MERTK: variants seen among roughly 807,000 people sequenced by gnomAD.
MERTK encodes tyrosine-protein kinase Mer.
Under a neutral mutation model 99.3 loss-of-function variants are expected in MERTK, and 69 were observed. The observed-to-expected ratio is 0.70, with a 90% confidence interval of 0.57 to 0.85. The LOEUF is 0.85. Among genes scored for constraint, MERTK ranks in the 40% least tolerant of loss-of-function variants. MERTK has a pLI of 0.00. For synonymous variants in MERTK, 426 were observed against 467.6 expected (o/e 0.91, Z 1.15); for missense variants, 1,125 against 1,249.4 (o/e 0.90, Z 1.50).
intron 15 of MERTK, among the ~76,000 whole-genome samples, chr2:112,016,415 T>C (rs1297615936): frequency 2.0e-5 from 3 of 152,220 alleles, no homozygotes; most frequent in East Asian, 1.9e-4. Context: ...ACAAAGTGCA[T>C]AGACAAACAG....
rs1260239104 is a variant in MERTK, at chr2:111,921,083, C to T, written c.62-8037C>T. Among the ~76,000 whole-genome samples the T allele has an allele frequency of 2.0e-5, 3 of 152,122 alleles. No individual in the cohort carries two copies. The East Asian group carries it at 5.8e-4, about 29-fold the overall frequency. On this transcript the variant is annotated intron_variant, in intron 1 of 18. Transcript: ENST00000295408. ...AAGGGAGTGGGGTGGGAGTCCTTAA[C>T]CTGGGTGACAGGGCAGCTGCTCAGG... is the stretch of plus-strand genomic sequence containing the variant.
At chr2:111,916,847 G>C (rs1684360006) in intron 1 of MERTK, among the ~76,000 whole-genome samples, 1 of 152,122 alleles carries the variant, frequency 6.6e-6, no homozygotes, top group Non-Finnish European at 1.5e-5. Context: ...CTGGGGAAGA[G>C]GGCATGCTGC....
intron 1 of MERTK, 119 bp downstream of exon 1, chr2:111,898,915 C>A: frequency 9.6e-7 from 1 of 1,046,732 alleles, no homozygotes; most frequent in Non-Finnish European, 1.3e-6. Context: ...AGTTTGCAAA[C>A]ACCCTCCACC....
intron 4 of MERTK, among the ~76,000 whole-genome samples, chr2:111,958,223 G>T (rs1024248784): frequency 6.6e-6 from 1 of 152,110 alleles, no homozygotes; most frequent in African/African-American, 2.4e-5. Flanking sequence ...GGAGTTGGAT[G>T]CTTTTTCTCC....
chr2:111,997,544 C>T, intron 10 of MERTK, 68 bp downstream of exon 10: 1 of 1,569,916 alleles, frequency 6.4e-7, no homozygotes. Context: ...GTGATTATGC[C>T]TTTCCTGTTG....
At chr2:111,907,571 C>G (rs1337771594) in intron 1 of MERTK, among the ~76,000 whole-genome samples, 1 of 152,158 alleles carries the variant, frequency 6.6e-6, no homozygotes, top group Admixed American at 6.5e-5. Context: ...TTGGATCTCC[C>G]CAAACACATA....
At chr2:111,916,279 C>T (rs1024194660) in intron 1 of MERTK, among the ~76,000 whole-genome samples, 9 of 152,104 alleles carry the variant, frequency 5.9e-5, no homozygotes, top group Admixed American at 5.2e-4. Context: ...AGGCGAGAGC[C>T]ACCGCGCCTG....
rs959987681 is a variant in MERTK at position 112,029,477 on chromosome 2, A to G, written c.*613A>G. The G allele has an allele frequency of 4.5e-5, 14 of 309,322 alleles. No individual in the cohort carries two copies. The highest frequency in any genetic ancestry group is 6.1e-5 in the Non-Finnish European group (13 of 211,950). The allele number at this position is 309,322 out of a possible 1,614,324, so 19.2% of individuals were successfully genotyped here. On this transcript the variant is annotated 3_prime_UTR_variant, in exon 19 of 19. Coordinates refer to ENST00000295408, the MANE Select transcript of MERTK (RefSeq NM_006343.3). ...GGTCCTTGGGGCAATTGCTCTGACC[A>G]TTCTTGGCATTGCTTTATAGAGATA... is the stretch of plus-strand genomic sequence containing the variant.
intron 12 of MERTK, chr2:112,003,583 T>C (rs1676913640): frequency 2.6e-6 from 1 of 384,410 alleles, no homozygotes; most frequent in South Asian, 2.6e-5. Context: ...GGATGAATGA[T>C]AATGGTATTA....
intron 8 of MERTK, among the ~76,000 whole-genome samples, chr2:111,985,400 G>A (rs999512695): frequency 2.0e-5 from 3 of 152,074 alleles, no homozygotes; most frequent in Admixed American, 2.0e-4. Context: ...GAACATCCGT[G>A]GAAGGGCAGA....
At chr2:111,944,375 C>T (rs576147049) in intron 2 of MERTK, among the ~76,000 whole-genome samples, 1 of 150,450 alleles carries the variant, frequency 6.6e-6, no homozygotes, top group Non-Finnish European at 1.5e-5. Flanking sequence ...TCCAAGAAAC[C>T]GAACCTATAG....
At chr2:111,956,072 C>T (rs1685143377) in intron 4 of MERTK, among the ~76,000 whole-genome samples, 2 of 151,690 alleles carry the variant, frequency 1.3e-5, no homozygotes, top group Non-Finnish European at 2.9e-5. Flanking sequence ...ACATATGTAA[C>T]AAACCTGCAC....
chr2:111,919,468 C>T (rs572003922), intron 1 of MERTK, among the ~76,000 whole-genome samples: 1 of 151,992 alleles, frequency 6.6e-6, no homozygotes, highest in Non-Finnish European at 1.5e-5. Flanking sequence ...TCTGATGTTC[C>T]GCTGGGTTTG....
intron 4 of MERTK, among the ~76,000 whole-genome samples, chr2:111,950,090 C>T (rs1301278768): frequency 6.6e-6 from 1 of 152,134 alleles, no homozygotes; most frequent in Non-Finnish European, 1.5e-5. Context: ...GCACCTGCCA[C>T]TACGCCTGGC....
intron 4 of MERTK, among the ~76,000 whole-genome samples, chr2:111,949,899 A>T (rs760730989): frequency 6.6e-6 from 1 of 152,098 alleles, no homozygotes; most frequent in Non-Finnish European, 1.5e-5. Flanking sequence ...GATATCTTTG[A>T]GATTCATCCA....
intron 9 of MERTK, chr2:111,996,853 A>G (rs1676754155): frequency 4.9e-6 from 1 of 203,410 alleles, no homozygotes; most frequent in Admixed American, 5.4e-5. Context: ...TCTCTGTATC[A>G]TAAGTTACAT....
chr2:111,912,968 T>G, intron 1 of MERTK: 2 of 921,276 alleles, frequency 2.2e-6, no homozygotes, highest in Non-Finnish European at 2.6e-6. Context: ...CTCAGGATCC[T>G]CATCTATGAA....
chr2:112,017,680 T>C lies in MERTK; in HGVS notation c.2080-1733T>C, dbSNP rs1424808136. On this transcript the variant is annotated intron_variant, in intron 15 of 18. Coordinates refer to ENST00000295408, the MANE Select transcript of MERTK (RefSeq NM_006343.3). ...GCCATCATGGATATCCTCAAAAGAG[T>C]GGTAGGAGGAGTACAGTGGAAAATT... is the stretch of plus-strand genomic sequence containing the variant. Among the ~76,000 whole-genome samples, 4 of 144,724 alleles carry C rather than the reference T, an allele frequency of 2.8e-5. 1 individual carries two copies. Among genetic ancestry groups the C allele is most frequent in the African/African-American group, 1.0e-4 (4 of 38,990 alleles). The allele number at this position is 144,724 out of a possible 152,430, so 94.9% of individuals were successfully genotyped here. A position where few individuals can be genotyped will look rare whatever the true frequency, so the allele number is the denominator to read the frequency against.
intron 9 of MERTK, 123 bp downstream of exon 9, chr2:111,994,527 TCAACAC>T: frequency 7.2e-7 from 1 of 1,396,032 alleles, no homozygotes; most frequent in Non-Finnish European, 1.0e-6. Flanking sequence ...TGGGCTTATC[TCAACAC>T]TTCAGGAGGC....
Sources: gnomAD v4.1 joint callset for allele counts (sites outside exome capture counted in the v4.1 genomes callset) on GRCh38, gnomAD v4.1.1 for gene constraint, MANE v1.5 for transcripts, NCBI Gene and HGNC (gene_info 2026-07-23, HGNC 2026-07-21) for gene names.